NT5C1B: variants seen among roughly 807,000 people sequenced by gnomAD.
NT5C1B encodes 5'-nucleotidase, cytosolic IB.
A neutral mutation model predicts 57.8 loss-of-function variants in NT5C1B; 44 were observed. That is an observed-to-expected ratio of 0.76 (90% CI 0.60 to 0.98). NT5C1B has a LOEUF of 0.98. Among genes scored for constraint, NT5C1B ranks in the 50% least tolerant of loss-of-function variants. NT5C1B has a pLI of 0.00. For missense variants in NT5C1B, 742 were observed against 719.5 expected (o/e 1.03, Z -0.36); for synonymous variants, 284 against 282.6 (o/e 1.00, Z -0.05).
intron 2 of NT5C1B, 127 bp from the exon 3 acceptor site, chr2:18,586,518 T>C: frequency 7.1e-7 from 1 of 1,399,818 alleles, no homozygotes; most frequent in Non-Finnish European, 9.6e-7. Flanking sequence ...CTGGCCTCAA[T>C]GACTCTTAAC....
At chr2:18,564,019 G>T in exon 9 of NT5C1B, 1 of 1,614,122 alleles carries the variant, frequency 6.2e-7, no homozygotes, top group Non-Finnish European at 8.5e-7. Context: ...ACTCCTAGCT[G>T]TAACCAGGTA....
intron 7 of NT5C1B, among the ~76,000 whole-genome samples, 169 bp from the exon 8 acceptor site, chr2:18,576,537 CCT>C (rs766467544): frequency 6.6e-6 from 1 of 152,220 alleles, no homozygotes; most frequent in South Asian, 2.1e-4. Flanking sequence ...CTATGCACTG[CCT>C]CTGTTTCTAT....
rs1664703065 is a variant in NT5C1B, at chr2:18,567,022, T to C, written c.1330-2903A>G. On this transcript the variant is annotated intron_variant, in intron 8 of 8. Coordinates refer to ENST00000304081, the Ensembl canonical transcript of NT5C1B. The stretch of plus-strand genomic sequence containing the variant: ...CAATTCAAGTAATTTCAAAAAGACA[T>C]TGACAAAGAACTAGGGTCCACCAAT... Among the ~76,000 whole-genome samples the C allele has an allele frequency of 2.0e-5, 3 of 152,056 alleles. No homozygotes were observed. In the South Asian group the frequency reaches 6.2e-4, roughly 32 times the overall value.
At chr2:18,567,763 A>G (rs547625475) in intron 8 of NT5C1B, among the ~76,000 whole-genome samples, 8 of 152,360 alleles carry the variant, frequency 5.3e-5, no homozygotes, top group South Asian at 4.1e-4. Context: ...TTTAGGAGAA[A>G]TTAAAAGAAC....
intron 8 of NT5C1B, among the ~76,000 whole-genome samples, chr2:18,572,715 A>G (rs901384775): frequency 6.6e-6 from 1 of 152,228 alleles, no homozygotes; most frequent in Non-Finnish European, 1.5e-5. Flanking sequence ...CATTAAAGAA[A>G]TGAAGCCAAA....
At chr2:18,583,968 C>A (rs779327742) in intron 5 of NT5C1B, 120 bp downstream of exon 5, 7 of 1,573,346 alleles carry the variant, frequency 4.4e-6, no homozygotes, top group Non-Finnish European at 6.1e-6. Flanking sequence ...TAGAAGGAGA[C>A]AAGAATGACA....
chr2:18,572,301 A>G lies in NT5C1B; in HGVS notation c.1329+3883T>C, dbSNP rs548187698. 3.3e-5 allele frequency among the ~76,000 whole-genome samples: 5 copies of G among 152,304 alleles called. No homozygotes were observed. In the South Asian group the frequency reaches 1.0e-3, roughly 32 times the overall value. ...CACAAATACCATATTGACTCAAAATAGATGATAATCCTAAGTAAGAAACCT... is the reference window on the plus strand; with the variant it reads ...CACAAATACCATATTGACTCAAAATGGATGATAATCCTAAGTAAGAAACCT... On this transcript the variant is annotated intron_variant, in intron 8 of 8. Transcript: ENST00000304081.
At position 18,584,017 on chromosome 2, in the gene NT5C1B, C is replaced by G. The variant is rs1343480180; in HGVS notation, c.891+71G>C. The G allele has an allele frequency of 1.2e-6, 2 of 1,612,732 alleles. No individual in the cohort carries two copies. The highest frequency in any genetic ancestry group is 3.3e-5 in the Admixed American group (2 of 60,008). ...AATGATCTGGGAAATTGGATGCCCTCCCAAGGGTTGGCCTGGGTCCCTCCC... is the reference window on the plus strand; with the variant it reads ...AATGATCTGGGAAATTGGATGCCCTGCCAAGGGTTGGCCTGGGTCCCTCCC... On this transcript the variant is annotated intron_variant, in intron 5 of 8. Transcript: ENST00000304081. This position sits in a 1 kb window ranked among gnomAD's most constrained non-coding sequence, Gnocchi z 5.8.
At chr2:18,567,207 C>T (rs1664724642) in intron 8 of NT5C1B, among the ~76,000 whole-genome samples, 1 of 152,112 alleles carries the variant, frequency 6.6e-6, no homozygotes, top group Non-Finnish European at 1.5e-5. Flanking sequence ...AGGAGGGGAG[C>T]AGCTGCCACT....
chr2:18,576,670 A>G, intron 7 of NT5C1B, 103 bp downstream of exon 7: 1 of 1,531,086 alleles, frequency 6.5e-7, no homozygotes, highest in Non-Finnish European at 8.7e-7. Flanking sequence ...TCAGAAGAAT[A>G]TCCAACAAGA....
intron 8 of NT5C1B, among the ~76,000 whole-genome samples, chr2:18,571,299 C>T (rs183696389): frequency 1.1e-3 from 174 of 152,138 alleles, no homozygotes; most frequent in African/African-American, 3.3e-3. Context: ...AAAATTGTTG[C>T]GAGAACTAAC....
chr2:18,589,357 G>T, intron 1 of NT5C1B, 82 bp downstream of exon 1: 1 of 1,577,194 alleles, frequency 6.3e-7, no homozygotes, highest in African/African-American at 1.3e-5. Flanking sequence ...TCATTGCAGA[G>T]CCTTTGCAGA....
At chr2:18,567,976 T>C (rs960368893) in intron 8 of NT5C1B, among the ~76,000 whole-genome samples, 1 of 151,728 alleles carries the variant, frequency 6.6e-6, no homozygotes. Flanking sequence ...TCAACACAGC[T>C]GAAGAAATAA....
intron 8 of NT5C1B, 114 bp downstream of exon 8, chr2:18,576,070 A>G (rs1665639908): frequency 4.4e-6 from 5 of 1,131,598 alleles, no homozygotes; most frequent in Non-Finnish European, 5.9e-6. Context: ...GACAGTAAGA[A>G]GGAGTGCCCT....
exon 9 of NT5C1B, chr2:18,563,851 G>A: frequency 6.2e-7 from 1 of 1,611,314 alleles, no homozygotes; most frequent in Non-Finnish European, 8.5e-7. Flanking sequence ...TAACCTCTGT[G>A]CCCCTTCAAT....
At chr2:18,563,692 T>G in exon 9 of NT5C1B, 1 of 1,291,542 alleles carries the variant, frequency 7.7e-7, no homozygotes, top group Non-Finnish European at 1.0e-6. Context: ...AAGCAAAGTT[T>G]TAAGGTCCAA....
intron 2 of NT5C1B, 58 bp from the exon 3 acceptor site, chr2:18,586,449 C>G: frequency 6.3e-7 from 1 of 1,596,574 alleles, no homozygotes; most frequent in Non-Finnish European, 8.5e-7. Context: ...TCCTTCTATA[C>G]GTGTGCCTGC....
chr2:18,582,771 G>C, intron 6 of NT5C1B, 97 bp downstream of exon 6: 1 of 1,515,376 alleles, frequency 6.6e-7, no homozygotes, highest in Non-Finnish European at 8.8e-7. Flanking sequence ...CAGTATCAAA[G>C]ACACTGCATT....
intron 1 of NT5C1B, among the ~76,000 whole-genome samples, chr2:18,588,569 A>G (rs750897629): frequency 2.0e-5 from 3 of 152,214 alleles, no homozygotes; most frequent in African/African-American, 7.2e-5. Flanking sequence ...AGCAGTCACC[A>G]TAATACCTCT....
Sources: allele counts gnomAD v4.1 joint callset (sites outside exome capture counted in the v4.1 genomes callset), GRCh38; gene constraint gnomAD v4.1.1; non-coding constraint Gnocchi (gnomAD v3.1); transcripts MANE v1.5; gene names NCBI Gene and HGNC (gene_info 2026-07-23, HGNC 2026-07-21).